Variants in CUX1 observed in about 807,000 individuals in gnomAD.
The protein encoded by CUX1 is cut like homeobox 1.
A neutral mutation model predicts 158.8 loss-of-function variants in CUX1; 31 were observed. The observed-to-expected ratio is 0.20, with a 90% CI of 0.15 to 0.26. The LOEUF (loss-of-function observed/expected upper bound fraction) is 0.26. Among genes scored for constraint, CUX1 ranks in the 10% least tolerant of loss-of-function variants. CUX1 has a pLI of 1.00. For missense variants in CUX1, 1,589 were observed against 2,014.6 expected (o/e 0.79, Z 4.04); for synonymous variants, 879 against 862.1 (o/e 1.02, Z -0.34).
chr7:101,991,897 AC>A (rs898059320), intron 2 of CUX1, among the ~76,000 whole-genome samples: 7 of 152,152 alleles, frequency 4.6e-5, no homozygotes, highest in Non-Finnish European at 1.5e-5. Context: ...CCTCATCTCT[AC>A]AAAAAATAAA....
At chr7:102,267,331 C>T (rs1417234119) in intron 14 of CUX1, among the ~76,000 whole-genome samples, 1 of 151,924 alleles carries the variant, frequency 6.6e-6, no homozygotes, top group Non-Finnish European at 1.5e-5. Context: ...GTCAGGAGTT[C>T]GAGACCAGCC....
At chr7:102,079,785 C>G (rs1440011389) in intron 4 of CUX1, among the ~76,000 whole-genome samples, 1 of 152,146 alleles carries the variant, frequency 6.6e-6, no homozygotes, top group Non-Finnish European at 1.5e-5. Flanking sequence ...GAAAGAGGAA[C>G]TGGGTCTGGA....
intron 2 of CUX1, among the ~76,000 whole-genome samples, chr7:102,006,073 G>A (rs1314482793): frequency 6.6e-6 from 1 of 152,164 alleles, no homozygotes; most frequent in Non-Finnish European, 1.5e-5. Flanking sequence ...CAGACCCTAG[G>A]GAGGAAGTAG....
At position 102,253,009 on chromosome 7, in the gene CUX1, A is replaced by G. The variant is rs1029056734; in HGVS notation, c.*3967A>G. On this transcript the variant is annotated 3_prime_UTR_variant, in exon 24 of 24. Transcript: ENST00000292535. ...TGGCTCACAGGGACCCACCATCAAA[A>G]CCTGCTACTTTGTGCAAGTAATTGA... The G allele has an allele frequency of 1.0e-6, 1 of 985,284 alleles. No individual in the cohort carries two copies. Among genetic ancestry groups the G allele is most frequent in the Non-Finnish European group, 1.2e-6 (1 of 829,952 alleles). The allele number at this position is 985,284 out of a possible 1,614,324, so 61.0% of individuals were successfully genotyped here. A position where few individuals can be genotyped will look rare whatever the true frequency, so the allele number is the denominator to read the frequency against.
chr7:101,850,935 C>T (rs1053158336), intron 1 of CUX1, among the ~76,000 whole-genome samples: 15 of 152,002 alleles, frequency 9.9e-5, no homozygotes, highest in African/African-American at 3.6e-4. Flanking sequence ...TCTGTCTCTA[C>T]CAAAATAATT....
intron 3 of CUX1, among the ~76,000 whole-genome samples, chr7:102,063,827 C>T (rs979050591): frequency 4.6e-5 from 7 of 152,190 alleles, no homozygotes; most frequent in African/African-American, 1.7e-4. Context: ...ACTGCGTGCC[C>T]GTGGTCGGGA....
intron 2 of CUX1, among the ~76,000 whole-genome samples, chr7:101,983,425 T>C: frequency 6.6e-6 from 1 of 152,176 alleles, no homozygotes; most frequent in East Asian, 1.9e-4. Context: ...TCAGTTTTTT[T>C]CCTCTGTGCC....
chr7:101,998,772 G>T (rs369398257), intron 2 of CUX1, among the ~76,000 whole-genome samples: 1 of 152,170 alleles, frequency 6.6e-6, no homozygotes, highest in South Asian at 2.1e-4. Context: ...AGGATGCTGT[G>T]CTGTGTTGGG....
In CUX1 at chr7:101,916,186, T is replaced by G; in HGVS notation, c.102T>G (p.Leu34=). ...QDESEQSRKR[L]IEQSREFKKN... is the part of the protein sequence containing the mutation. ...AAAGTGAGCAGTCCAGAAAGCGGCT[T>G]ATCGAACAGAGCCGGGAGTTCAAGA... is the stretch of plus-strand genomic sequence containing the variant. Residue 34 remains leucine (L), a synonymous_variant, in exon 2 of 24, where the codon CTT becomes CTG. Transcript: ENST00000292535. This position sits in a 1 kb window ranked among gnomAD's most constrained non-coding sequence, Gnocchi z 4.4. 1 of 1,613,926 alleles carries G rather than the reference T, an allele frequency of 6.2e-7. No individual in the cohort carries two copies. Among genetic ancestry groups the G allele is most frequent in the Admixed American group, 1.7e-5 (1 of 60,016 alleles).
intron 8 of CUX1, among the ~76,000 whole-genome samples, chr7:102,126,138 C>T (rs1182142825): frequency 6.6e-6 from 1 of 151,426 alleles, no homozygotes; most frequent in African/African-American, 2.4e-5. Flanking sequence ...CTCAGCCTCC[C>T]GAGTACCTGG....
At position 101,817,911 on chromosome 7, in the gene CUX1, A is replaced by G. The variant is rs1178419904; in HGVS notation, c.30+242A>G. Reference sequence around the variant, plus strand: ...AGGACTGGTGACAGTGACCTACCGCAATACCTTTGGGAGCAAAGCTCGAGA... The same window carrying G: ...AGGACTGGTGACAGTGACCTACCGCGATACCTTTGGGAGCAAAGCTCGAGA... On this transcript the variant is annotated intron_variant, in intron 1 of 23. Transcript: ENST00000292535. This position sits in a 1 kb window ranked among gnomAD's most constrained non-coding sequence, Gnocchi z 4.1. Among the ~76,000 whole-genome samples the G allele has an allele frequency of 6.6e-6, 1 of 152,208 alleles. No homozygotes were observed. The highest frequency in any genetic ancestry group is 2.4e-5 in the African/African-American group (1 of 41,458).
intron 1 of CUX1, among the ~76,000 whole-genome samples, chr7:101,886,191 A>C (rs1020871718): frequency 6.6e-6 from 1 of 151,206 alleles, no homozygotes; most frequent in Non-Finnish European, 1.5e-5. Flanking sequence ...CTTCCATAGG[A>C]CTGCCTTTTT....
intron 8 of CUX1, among the ~76,000 whole-genome samples, chr7:102,151,124 C>T (rs143666077): frequency 8.9e-4 from 136 of 152,286 alleles, no homozygotes; most frequent in African/African-American, 3.1e-3. Context: ...TTCATTACTG[C>T]GCTTCCAAGA....
intron 1 of CUX1, among the ~76,000 whole-genome samples, chr7:101,827,561 C>A (rs968774486): frequency 2.0e-4 from 30 of 152,072 alleles, no homozygotes; most frequent in African/African-American, 4.6e-4. Flanking sequence ...TCTTCCTGTC[C>A]CAGCCTCCTA....
chr7:101,844,465 A>G (rs1584736626), intron 1 of CUX1, among the ~76,000 whole-genome samples: 2 of 152,268 alleles, frequency 1.3e-5, no homozygotes, highest in East Asian at 3.9e-4. Context: ...TTCAACACCC[A>G]GATTATTCCC....
chr7:102,146,746 C>T (rs1179276964), intron 8 of CUX1, among the ~76,000 whole-genome samples: 3 of 151,986 alleles, frequency 2.0e-5, no homozygotes, highest in East Asian at 1.9e-4. Flanking sequence ...TACAGGCGCA[C>T]GCCACCACAC....
intron 2 of CUX1, among the ~76,000 whole-genome samples, chr7:101,917,623 G>C (rs1047267465): frequency 1.3e-5 from 2 of 152,156 alleles, no homozygotes; most frequent in African/African-American, 4.8e-5. Flanking sequence ...GGGACAGAAC[G>C]TCCTTCTTCT....
At chr7:102,165,223 T>C (rs1298756727) in intron 9 of CUX1, among the ~76,000 whole-genome samples, 1 of 151,916 alleles carries the variant, frequency 6.6e-6, no homozygotes, top group Non-Finnish European at 1.5e-5. Context: ...AGCCCACCCC[T>C]CTCTGTGTCC....
intron 1 of CUX1, among the ~76,000 whole-genome samples, chr7:101,844,005 T>G (rs1795426820): frequency 6.6e-6 from 1 of 152,166 alleles, no homozygotes; most frequent in African/African-American, 2.4e-5. Context: ...GCACCTTTCT[T>G]AAGTTTGGGA....
Sources: gnomAD v4.1 joint callset for allele counts (sites outside exome capture counted in the v4.1 genomes callset) on GRCh38, gnomAD v4.1.1 for gene constraint, Gnocchi (gnomAD v3.1) non-coding constraint, MANE v1.5 for transcripts, NCBI Gene and HGNC (gene_info 2026-07-23, HGNC 2026-07-21) for gene names.